PALM2AKAP2: variants seen among roughly 807,000 people sequenced by gnomAD.
PALM2AKAP2 encodes the protein PALM2-AKAP2 fusion protein.
PALM2AKAP2 carries 37 observed loss-of-function variants against 71.5 expected under a neutral mutation model. The ratio of observed to expected loss-of-function variants is 0.52; its 90% CI spans 0.40 to 0.68. PALM2AKAP2 has a LOEUF of 0.68. PALM2AKAP2 is among the 30% of genes least tolerant of loss of function. The pLI, the probability that PALM2AKAP2 is intolerant of heterozygous loss-of-function variation, is 0.00. For synonymous variants in PALM2AKAP2, 468 were observed against 478.8 expected (o/e 0.98, Z 0.29); for missense variants, 1,224 against 1,191.8 (o/e 1.03, Z -0.40).
rs917202469 is a variant in PALM2AKAP2, at chr9:109,954,558, A to C, written c.496+22530A>C. ...AGCATTGGGAGATATACCTAATGCT[A>C]GATGACGCGTTAGTGGGTGCAGCGC... On this transcript the variant is annotated intron_variant, in intron 6 of 9. Coordinates refer to the PALM2AKAP2 transcript ENST00000302798. Among the ~76,000 whole-genome samples the C allele has an allele frequency of 2.7e-5, 4 of 149,304 alleles. 1 individual carries two copies. In the South Asian group the frequency reaches 6.6e-4, roughly 25 times the overall value.
intron 1 of PALM2AKAP2, among the ~76,000 whole-genome samples, chr9:110,086,991 A>T (rs1165873695): frequency 2.0e-5 from 3 of 152,190 alleles, no homozygotes; most frequent in African/African-American, 7.2e-5. Flanking sequence ...ACACTCAAGT[A>T]AAACCAAAGT....
At chr9:110,068,026 A>G (rs987243917) in intron 1 of PALM2AKAP2, among the ~76,000 whole-genome samples, 1 of 144,572 alleles carries the variant, frequency 6.9e-6, no homozygotes, top group African/African-American at 2.8e-5. Context: ...GCAAGTGAGC[A>G]TTTAGCAAGT....
chr9:109,702,762 A>G (rs987214189), intron 1 of PALM2AKAP2, among the ~76,000 whole-genome samples: 8 of 151,282 alleles, frequency 5.3e-5, no homozygotes, highest in Non-Finnish European at 5.9e-5. Flanking sequence ...TAAAAAAAAA[A>G]AAAGAAAATA....
chr9:109,913,992 G>A (rs1195663086), intron 3 of PALM2AKAP2, among the ~76,000 whole-genome samples: 5 of 151,990 alleles, frequency 3.3e-5, no homozygotes, highest in African/African-American at 4.8e-5. Context: ...TCCTGACCTC[G>A]TGATCCACCC....
intron 1 of PALM2AKAP2, among the ~76,000 whole-genome samples, chr9:109,744,453 G>A (rs551212071): frequency 6.6e-6 from 1 of 152,224 alleles, no homozygotes; most frequent in Non-Finnish European, 1.5e-5. Flanking sequence ...CTAGCTGCAT[G>A]GCGTGGGCAA....
At chr9:109,933,831 A>T (rs1043669917) in intron 6 of PALM2AKAP2, among the ~76,000 whole-genome samples, 1 of 152,216 alleles carries the variant, frequency 6.6e-6, no homozygotes, top group Admixed American at 6.5e-5. Context: ...TGTTACGATG[A>T]ACTCCTTTGT....
chr9:109,760,078 T>C (rs962144216), intron 1 of PALM2AKAP2, among the ~76,000 whole-genome samples: 3 of 152,202 alleles, frequency 2.0e-5, no homozygotes, highest in East Asian at 1.9e-4. Flanking sequence ...TCAGCCCCTA[T>C]TGATCACTGA....
At chr9:110,001,371 A>G (rs1439912325) in intron 6 of PALM2AKAP2, among the ~76,000 whole-genome samples, 1 of 152,156 alleles carries the variant, frequency 6.6e-6, no homozygotes, top group East Asian at 1.9e-4. Flanking sequence ...CCATTGGTCT[A>G]TATCTCTGTT....
intron 1 of PALM2AKAP2, among the ~76,000 whole-genome samples, chr9:109,768,766 A>G (rs559189850): frequency 1.6e-4 from 25 of 152,294 alleles, no homozygotes; most frequent in African/African-American, 6.0e-4. Context: ...ATTAGTTAAT[A>G]TATGTAAAGC....
At chr9:110,159,953 T>C (rs112588438) in intron 3 of PALM2AKAP2, among the ~76,000 whole-genome samples, 2,828 of 152,310 alleles carry the variant, frequency 0.019, 106 homozygotes, top group African/African-American at 0.064. Flanking sequence ...GTTGCCACAG[T>C]CTTCACCCAC....
In PALM2AKAP2 at chr9:110,091,402, G is replaced by GGT. The variant is rs1439540381; in HGVS notation, c.156+42548_156+42549insTG. On this transcript the variant is annotated intron_variant, in intron 1 of 3. Coordinates refer to ENST00000374525, the Ensembl canonical transcript of PALM2AKAP2. ...TTGCTTTTCTGATCCTTGGTGGTTG[G>GGT]GGTGTGTGTGTGTGTGTGTGTCTGT... Among the ~76,000 whole-genome samples, 10 of 84,190 alleles carry GGT rather than the reference G, an allele frequency of 1.2e-4. No individual in the cohort carries two copies. In the East Asian group the frequency reaches 2.5e-3, roughly 21 times the overall value. 55.2% of individuals were successfully genotyped at this position (84,190 alleles called of 152,430 possible). A position where few individuals can be genotyped will look rare whatever the true frequency, so the allele number is the denominator to read the frequency against.
At chr9:110,077,787 G>C (rs184002821) in intron 1 of PALM2AKAP2, among the ~76,000 whole-genome samples, 21 of 152,224 alleles carry the variant, frequency 1.4e-4, no homozygotes, top group African/African-American at 4.8e-4. Context: ...AGGCCGAGGT[G>C]GTCGGATCAC....
At chr9:109,921,239 G>A (rs1277333980) in intron 3 of PALM2AKAP2, among the ~76,000 whole-genome samples, 5 of 152,180 alleles carry the variant, frequency 3.3e-5, no homozygotes, top group Non-Finnish European at 7.3e-5. Context: ...TTCATTCAAT[G>A]TAGGTGTATT....
intron 1 of PALM2AKAP2, among the ~76,000 whole-genome samples, chr9:109,669,204 T>C (rs1006454176): frequency 1.3e-5 from 2 of 152,226 alleles, no homozygotes; most frequent in East Asian, 3.8e-4. Flanking sequence ...ATAGGTACTC[T>C]GTATCATCTT....
intron 1 of PALM2AKAP2, among the ~76,000 whole-genome samples, chr9:110,072,855 C>A (rs979528072): frequency 6.6e-6 from 1 of 152,170 alleles, no homozygotes; most frequent in Admixed American, 6.5e-5. Context: ...ACCCCAAATG[C>A]CCCTTTTCCT....
chr9:109,965,510 A>G (rs1831930247), intron 6 of PALM2AKAP2, among the ~76,000 whole-genome samples: 1 of 152,228 alleles, frequency 6.6e-6, no homozygotes, highest in African/African-American at 2.4e-5. Context: ...GTATTATTCC[A>G]CTTACATGAG....
intron 2 of PALM2AKAP2, among the ~76,000 whole-genome samples, chr9:109,873,563 A>G (rs562340733): frequency 1.3e-5 from 2 of 152,352 alleles, no homozygotes; most frequent in Admixed American, 1.3e-4. Flanking sequence ...CCAGATTACA[A>G]ATGAATGAAA....
exon 4 of PALM2AKAP2, chr9:110,171,399 A>G (rs1187247500): frequency 1.3e-5 from 2 of 152,152 alleles, no homozygotes; most frequent in Admixed American, 1.3e-4. Context: ...ACATCTCTTA[A>G]CTTTTGCTAT....
intron 1 of PALM2AKAP2, among the ~76,000 whole-genome samples, chr9:109,839,877 A>G (rs1269812364): frequency 6.6e-6 from 1 of 152,252 alleles, no homozygotes; most frequent in Non-Finnish European, 1.5e-5. Context: ...ACACAAACAA[A>G]TGGAAGAATA....
Sources: allele counts gnomAD v4.1 joint callset (sites outside exome capture counted in the v4.1 genomes callset), GRCh38; gene constraint gnomAD v4.1.1; transcripts MANE v1.5; gene names NCBI Gene and HGNC (gene_info 2026-07-23, HGNC 2026-07-21).